The following KANSL1 variants were observed in gnomAD, a reference collection of about 807,000 sequenced individuals.
KANSL1 encodes the protein KAT8 regulatory NSL complex subunit 1.
In KANSL1, 22 loss-of-function variants were observed where a neutral mutation model predicts 103.6. That is an observed-to-expected ratio of 0.21 (90% CI 0.15 to 0.30). KANSL1 has a LOEUF of 0.30. Ranked by LOEUF, KANSL1 falls within the 10% of genes least tolerant of loss-of-function variation. The probability of loss-of-function intolerance (pLI) is 1.00; values close to 1 mark genes in which losing one functional copy is unlikely to be tolerated. For missense variants in KANSL1, 1,337 were observed against 1,399.8 expected, an observed-to-expected ratio of 0.96 and a Z score of 0.72; for synonymous variants, 600 against 527.6, an observed-to-expected ratio of 1.14 and a Z score of -1.88.
At chr17:46,168,975 C>A (rs972978116) in intron 2 of KANSL1, among the ~76,000 whole-genome samples, 1 of 152,286 alleles carries the variant, frequency 6.6e-6, no homozygotes, top group Non-Finnish European at 1.5e-5. Flanking sequence ...TGGTTTGTAA[C>A]GCTTACCTAC....
chr17:46,084,777 A>G (rs1190716797), intron 3 of KANSL1, among the ~76,000 whole-genome samples: 1 of 151,858 alleles, frequency 6.6e-6, no homozygotes, highest in East Asian at 1.9e-4. Flanking sequence ...GTAAGCAAGA[A>G]ACATTAACCC....
At chr17:46,109,961 A>C (rs192996646) in intron 2 of KANSL1, among the ~76,000 whole-genome samples, 1 of 152,350 alleles carries the variant, frequency 6.6e-6, no homozygotes, top group Non-Finnish European at 1.5e-5. Context: ...GAGGGGTGAG[A>C]GGGTGACTAG....
chr17:46,047,863 A>G (rs1405660574), intron 7 of KANSL1, among the ~76,000 whole-genome samples: 1 of 151,392 alleles, frequency 6.6e-6, no homozygotes, highest in Admixed American at 6.6e-5. Flanking sequence ...TATGAAGAAC[A>G]GCATGGAGCC....
At chr17:46,131,366 C>G (rs755701889) in intron 2 of KANSL1, among the ~76,000 whole-genome samples, 21 of 152,190 alleles carry the variant, frequency 1.4e-4, no homozygotes, top group Non-Finnish European at 2.1e-4. Flanking sequence ...CTTTTCATTT[C>G]AAATTTACAT....
Position 46,192,892 on chromosome 17 carries a change from C to CA in KANSL1, c.-160_-159insT, listed in dbSNP as rs1435584484. On this transcript the variant is annotated 5_prime_UTR_variant, in exon 1 of 15. Transcript: ENST00000432791. ...ATGGGCGCAGTTTGCAAACAGCCCC[C>CA]CGGCCTGGGCGCCGAGGGCCAGCGG... 2.0e-5 allele frequency: 3 copies of CA among 152,562 alleles called. No individual in the cohort carries two copies. Among genetic ancestry groups the CA allele is most frequent in the African/African-American group, 7.3e-5 (3 of 41,370 alleles). The allele number at this position is 152,562 out of a possible 1,614,324, so 9.5% of individuals were successfully genotyped here.
At chr17:46,037,334 G>A (rs534801717) in intron 10 of KANSL1, 1 of 152,336 alleles carries the variant, frequency 6.6e-6, no homozygotes, top group South Asian at 2.1e-4. Flanking sequence ...TGTGGGTTAC[G>A]GGGGTAAAGA....
chr17:46,189,031 CAA>C (rs57566816), intron 1 of KANSL1, among the ~76,000 whole-genome samples: 3 of 62,380 alleles, frequency 4.8e-5, no homozygotes, highest in African/African-American at 3.0e-4. Context: ...AAGATTGTCT[CAA>C]AAAAAAAAAA....
rs12150542 is a variant in KANSL1, at chr17:46,038,364, G to A, written c.2541+174C>T. 108,273 of 662,436 alleles carry A rather than the reference G, an allele frequency of 0.16. 11,030 individuals carry two copies. Among genetic ancestry groups the A allele is most frequent in the Middle Eastern group, 0.21 (492 of 2,322 alleles). 41.0% of individuals were successfully genotyped at this position (662,436 alleles called of 1,614,324 possible). On this transcript the variant is annotated intron_variant, in intron 10 of 14. Coordinates refer to ENST00000432791, the MANE Select transcript of KANSL1 (RefSeq NM_015443.4). The stretch of plus-strand genomic sequence containing the variant: ...CTCAAGAAAAACAACAGAAGGTCAA[G>A]TACCATGACTTTGACTTAAAAATGG...
chr17:46,148,996 CT>C (rs74407996), intron 2 of KANSL1, among the ~76,000 whole-genome samples: 2 of 124,182 alleles, frequency 1.6e-5, no homozygotes, highest in South Asian at 2.4e-4. Context: ...ATTCTTGCCT[CT>C]TTTTTTCTTT....
At chr17:46,133,050 A>G (rs1381162972) in intron 2 of KANSL1, among the ~76,000 whole-genome samples, 1 of 152,230 alleles carries the variant, frequency 6.6e-6, no homozygotes, top group Non-Finnish European at 1.5e-5. Flanking sequence ...GCCAAGTACC[A>G]GGGTGACCAC....
chr17:46,102,004 G>C (rs912432699), intron 2 of KANSL1, among the ~76,000 whole-genome samples: 1 of 152,208 alleles, frequency 6.6e-6, no homozygotes, highest in South Asian at 2.1e-4. Context: ...TAGTCTATTA[G>C]AATAGACATT....
intron 3 of KANSL1, among the ~76,000 whole-genome samples, chr17:46,089,583 C>T (rs2079301989): frequency 6.7e-6 from 1 of 149,198 alleles, no homozygotes; most frequent in Non-Finnish European, 1.5e-5. Flanking sequence ...AAAAAAAGAC[C>T]TGTGCAACCC....
chr17:46,046,004 T>C (rs1213246944), intron 7 of KANSL1: 1 of 152,162 alleles, frequency 6.6e-6, no homozygotes, highest in East Asian at 1.9e-4. Flanking sequence ...CCAACAAACA[T>C]TCCTAAGTCT....
At chr17:46,104,989 G>A (rs1184376547) in intron 2 of KANSL1, among the ~76,000 whole-genome samples, 1 of 152,020 alleles carries the variant, frequency 6.6e-6, no homozygotes. Flanking sequence ...CTAATTTTTT[G>A]TATTTTTAGT....
At chr17:46,149,260 C>G (rs1023616292) in intron 2 of KANSL1, among the ~76,000 whole-genome samples, 11 of 152,246 alleles carry the variant, frequency 7.2e-5, no homozygotes, top group Non-Finnish European at 2.9e-5. Flanking sequence ...CTCGGCCTCC[C>G]AAAGTGCTGG....
intron 2 of KANSL1, among the ~76,000 whole-genome samples, chr17:46,154,453 G>C (rs1256836209): frequency 6.6e-6 from 1 of 151,990 alleles, no homozygotes; most frequent in East Asian, 2.0e-4. Flanking sequence ...CTCATTTCTT[G>C]TGGTTTATTG....
chr17:46,204,254 C>T (rs1384866361), intron 1 of KANSL1, among the ~76,000 whole-genome samples: 9 of 152,012 alleles, frequency 5.9e-5, no homozygotes, highest in Non-Finnish European at 1.0e-4. Context: ...GTCAGGAGTT[C>T]GAGACCAGCC....
chr17:46,192,127 T>C (rs2532237), intron 1 of KANSL1, among the ~76,000 whole-genome samples: 18,501 of 149,826 alleles, frequency 0.12, 22 homozygotes, highest in Non-Finnish European at 0.19. Flanking sequence ...AAATCCACAT[T>C]GGGATTCCAA....
chr17:46,111,265 C>T (rs1271552981), intron 2 of KANSL1, among the ~76,000 whole-genome samples: 4 of 152,124 alleles, frequency 2.6e-5, no homozygotes, highest in South Asian at 2.1e-4. Context: ...GGCTGGAGTG[C>T]GATGGCGTGA....
Sources: allele counts gnomAD v4.1 joint callset (sites outside exome capture counted in the v4.1 genomes callset), GRCh38; gene constraint gnomAD v4.1.1; transcripts MANE v1.5; gene names NCBI Gene and HGNC (gene_info 2026-07-23, HGNC 2026-07-21).